Variants in RRP12 observed in about 807,000 individuals in gnomAD.
RRP12 encodes the protein RRP12-like protein.
A neutral mutation model predicts 157.3 loss-of-function variants in RRP12; 78 were observed. The ratio of observed to expected loss-of-function variants is 0.50; its 90% CI spans 0.41 to 0.60. The LOEUF (loss-of-function observed/expected upper bound fraction) is 0.60. RRP12 is among the 20% of genes least tolerant of loss of function. RRP12 has a pLI of 0.00. For synonymous variants in RRP12, 726 were observed against 670.9 expected, an observed-to-expected ratio of 1.08 and a Z score of -1.27; for missense variants, 1,521 against 1,679.9, an observed-to-expected ratio of 0.91 and a Z score of 1.65.
intron 4 of RRP12, among the ~76,000 whole-genome samples, chr10:97,392,000 GGT>G (rs1491247477): frequency 2.3e-5 from 1 of 43,584 alleles, no homozygotes; most frequent in Non-Finnish European, 7.7e-5. Flanking sequence ...TCATGTTGTG[GGT>G]TTTTTTTTTT....
chr10:97,397,633 G>A (rs1420598657), intron 2 of RRP12, among the ~76,000 whole-genome samples: 2 of 151,802 alleles, frequency 1.3e-5, no homozygotes, highest in African/African-American at 2.4e-5. Flanking sequence ...ATATCGTTCA[G>A]TAGGGAAAAA....
In RRP12 at chr10:97,381,379, T is replaced by A. The variant is rs762844331; in HGVS notation, c.1418+7A>T. The A allele has an allele frequency of 6.2e-7, 1 of 1,600,688 alleles. No homozygotes were observed. ...ATCCCTTCCTAACATGGACCCCATA[T>A]CCTCACCTGAACATCTTGGCAACAG... On this transcript the variant is annotated splice_region_variant and intron_variant, in intron 12 of 33. Transcript: ENST00000370992.
At chr10:97,384,828 A>G (rs1448365891) in intron 10 of RRP12, among the ~76,000 whole-genome samples, 1 of 143,696 alleles carries the variant, frequency 7.0e-6, no homozygotes, top group Non-Finnish European at 1.5e-5. Flanking sequence ...CAACCTCAGC[A>G]GCTAGGACGG....
intron 19 of RRP12, 126 bp downstream of exon 19, chr10:97,372,610 C>A: frequency 1.3e-6 from 1 of 796,624 alleles, no homozygotes; most frequent in Non-Finnish European, 2.1e-6. Context: ...CTCAGCACAG[C>A]CTGGAGAGTT....
chr10:97,372,751 C>A lies in RRP12; in HGVS notation c.2234G>T (p.Ser745Ile). The part of the protein sequence containing the change: ...KASEKVLDPA[S>I]SDFTRLSVLD... ...AGCATGTTACCTGGTAAAGTCAGAG[C>A]TGGCAGGGTCGAGCACCTTCTCACT... The change falls in exon 19 of 34, where the codon AGC becomes ATC. Residue 745 changes from serine (S) to isoleucine (I), a missense_variant. Ser to Ile is a moderately radical substitution (Grantham distance 142). Transcript: ENST00000370992. 1 of 1,561,760 alleles carries A rather than the reference C, an allele frequency of 6.4e-7. No individual in the cohort carries two copies. Among genetic ancestry groups the A allele is most frequent in the South Asian group, 1.2e-5 (1 of 84,774 alleles).
chr10:97,378,024 A>G (rs528301313), intron 15 of RRP12, among the ~76,000 whole-genome samples: 1 of 152,244 alleles, frequency 6.6e-6, no homozygotes, highest in East Asian at 1.9e-4. Context: ...ATCCTCACGT[A>G]GGCCTGAGTC....
At chr10:97,367,020 G>GC (rs759683164) in intron 26 of RRP12, 21 bp downstream of exon 26, 2 of 1,612,638 alleles carry the variant, frequency 1.2e-6, no homozygotes, top group Non-Finnish European at 1.7e-6. Context: ...CCCTACCCCC[G>GC]CCCCTGCTCA....
intron 10 of RRP12, 25 bp from the exon 11 acceptor site, chr10:97,381,851 G>C (rs763859530): frequency 7.1e-5 from 112 of 1,585,364 alleles, no homozygotes; most frequent in Admixed American, 4.2e-4. Flanking sequence ...GGTTTCTGTG[G>C]GGCCTGGCCT....
At chr10:97,374,024 T>A in intron 15 of RRP12, 130 bp from the exon 16 acceptor site, 1 of 698,940 alleles carries the variant, frequency 1.4e-6, no homozygotes, top group Non-Finnish European at 2.5e-6. Flanking sequence ...CTCCATGAAT[T>A]AAATCATACT....
chr10:97,393,802 C>T lies in RRP12; in HGVS notation c.454-42G>A, dbSNP rs1385240433. ...GGGGGTTTGAATGGATAAAAACTTA[C>T]ACTGAGCAAACAGGAAAGAGAGTGG... On this transcript the variant is annotated intron_variant, in intron 3 of 33. Transcript: ENST00000370992. 21 of 1,530,544 alleles carry T rather than the reference C, an allele frequency of 1.4e-5. No homozygotes were observed. In the Admixed American group the frequency reaches 2.9e-4, roughly 21 times the overall value. The allele number at this position is 1,530,544 out of a possible 1,614,324, so 94.8% of individuals were successfully genotyped here. A position where few individuals can be genotyped will look rare whatever the true frequency, so the allele number is the denominator to read the frequency against.
At chr10:97,371,978 A>G in intron 20 of RRP12, 95 bp downstream of exon 20, 1 of 784,234 alleles carries the variant, frequency 1.3e-6, no homozygotes. Context: ...CTCGGGAAGC[A>G]GCAAGGGACA....
chr10:97,400,162 A>C, intron 2 of RRP12, 143 bp downstream of exon 2: 1 of 681,126 alleles, frequency 1.5e-6, no homozygotes. Flanking sequence ...CTGCCCTAGG[A>C]GGAGACATAA....
At chr10:97,371,119 A>G in intron 20 of RRP12, 38 bp from the exon 21 acceptor site, 3 of 1,602,398 alleles carry the variant, frequency 1.9e-6, no homozygotes, top group Non-Finnish European at 2.6e-6. Context: ...CCTGGGGCTC[A>G]CTCCCTGTCC....
intron 10 of RRP12, among the ~76,000 whole-genome samples, chr10:97,384,655 C>T (rs1589432012): frequency 6.7e-6 from 1 of 150,336 alleles, no homozygotes; most frequent in Non-Finnish European, 1.5e-5. Flanking sequence ...TGGACAGAGG[C>T]TCTGAGAACT....
In RRP12 at chr10:97,398,034, TAC is replaced by T. The variant is rs1554883083; in HGVS notation, c.370-1735_370-1734del. ...ATATATATATATATGTATATATATA[TAC>T]GTATTTTTTTTTTTTTTTTTTTTTT... is the stretch of plus-strand genomic sequence containing the variant. On this transcript the variant is annotated intron_variant, in intron 2 of 33. Transcript: ENST00000370992. Among the ~76,000 whole-genome samples, 9 of 86,448 alleles carry T rather than the reference TAC, an allele frequency of 1.0e-4. 1 individual carries two copies. The highest frequency in any genetic ancestry group is 3.0e-4 in the African/African-American group (5 of 16,598). The allele number at this position is 86,448 out of a possible 152,430, so 56.7% of individuals were successfully genotyped here. A position where few individuals can be genotyped will look rare whatever the true frequency, so the allele number is the denominator to read the frequency against.
At chr10:97,380,704 G>A in intron 13 of RRP12, 95 bp downstream of exon 13, 2 of 872,412 alleles carry the variant, frequency 2.3e-6, no homozygotes, top group Admixed American at 1.9e-5. Context: ...GTGCGGAGCA[G>A]GGTGCAGAGA....
intron 2 of RRP12, among the ~76,000 whole-genome samples, chr10:97,398,039 A>ATATATATATATATT (rs1436494245): frequency 1.8e-5 from 1 of 56,028 alleles, no homozygotes; most frequent in African/African-American, 8.7e-5. Context: ...ATATATACGT[A>ATATATATATATATT]TTTTTTTTTT....
chr10:97,380,708 G>T, intron 13 of RRP12, 91 bp downstream of exon 13: 1 of 903,606 alleles, frequency 1.1e-6, no homozygotes. Context: ...GGAGCAGGGT[G>T]CAGAGATAAC....
rs1244060930 is a variant in RRP12, at chr10:97,366,147, C to A, written c.3478G>T (p.Ala1160Ser). The change falls in exon 29 of 34, where the codon GCA becomes TCA. Residue 1160 changes from alanine to serine, a missense_variant. By Grantham distance (99) the Ala-to-Ser change is moderately conservative. Transcript: ENST00000370992. ...ADGRLIIREE[A>S]DGNKMEEEEG... ...TCTTCCTCCATCTTGTTGCCGTCTG[C>A]CTCCTCCCTTATGATCAGCCGGCCA... is the stretch of plus-strand genomic sequence containing the variant. The A allele has an allele frequency of 6.2e-7, 1 of 1,606,548 alleles. No individual in the cohort carries two copies. The highest frequency in any genetic ancestry group is 8.5e-7 in the Non-Finnish European group (1 of 1,179,840).
Sources: allele counts gnomAD v4.1 joint callset (sites outside exome capture counted in the v4.1 genomes callset), GRCh38; gene constraint gnomAD v4.1.1; transcripts MANE v1.5; gene names NCBI Gene and HGNC (gene_info 2026-07-23, HGNC 2026-07-21).